The following DNAH3 variants were observed in gnomAD, a reference collection of about 807,000 sequenced individuals.
The protein encoded by DNAH3 is dynein axonemal heavy chain 3.
In DNAH3, 332 loss-of-function variants were observed where a neutral mutation model predicts 432.5. That is an observed-to-expected ratio of 0.77 (90% CI 0.70 to 0.84). DNAH3 has a LOEUF of 0.84. Among genes scored for constraint, DNAH3 ranks in the 40% least tolerant of loss-of-function variants. The pLI is 0.00. For synonymous variants in DNAH3, 1,956 were observed against 1,900.2 expected (o/e 1.03, Z -0.76); for missense variants, 4,861 against 5,114.0 (o/e 0.95, Z 1.51).
chr16:20,952,944 C>T (rs1169294659), intron 55 of DNAH3, among the ~76,000 whole-genome samples: 2 of 152,114 alleles, frequency 1.3e-5, no homozygotes, highest in Non-Finnish European at 2.9e-5. Flanking sequence ...GAATTCCCCT[C>T]CTCGAGCTCA....
intron 19 of DNAH3, among the ~76,000 whole-genome samples, chr16:21,082,337 T>C (rs1173872167): frequency 6.6e-6 from 1 of 152,098 alleles, no homozygotes; most frequent in Non-Finnish European, 1.5e-5. Flanking sequence ...ACCACTGGCA[T>C]ACAACACCAT....
chr16:21,094,992 G>A (rs909725001), intron 18 of DNAH3, among the ~76,000 whole-genome samples: 2 of 152,134 alleles, frequency 1.3e-5, no homozygotes, highest in African/African-American at 2.4e-5. Flanking sequence ...GGAACTGTGA[G>A]TTCATTAAAC....
chr16:21,067,759 G>GGGGGGGGGT (rs2090609009), intron 23 of DNAH3, among the ~76,000 whole-genome samples: 1 of 47,202 alleles, frequency 2.1e-5, no homozygotes, highest in African/African-American at 7.2e-5. Context: ...GCCAGTCTTG[G>GGGGGGGGGT]GGGGGGGGGT....
chr16:21,123,989 C>T (rs2092396782), intron 9 of DNAH3, among the ~76,000 whole-genome samples: 1 of 137,960 alleles, frequency 7.2e-6, no homozygotes, highest in Non-Finnish European at 1.6e-5. Flanking sequence ...GATAGGGTTT[C>T]ACCAGTCGAC....
At position 21,021,933 on chromosome 16, in the gene DNAH3, A is replaced by AC. The variant is rs139095918; in HGVS notation, c.5776+37dup. 1.2e-3 allele frequency: 1,881 copies of AC among 1,608,940 alleles called. 17 individuals are homozygous for AC. The African/African-American group carries it at 0.021, about 18-fold the overall frequency. Reference sequence around the variant, plus strand: ...AAAAAGAAATAGCCAAGGTAGACCCACCCCCCATGTGGCTTAAGAATCATG... The same window carrying AC: ...AAAAAGAAATAGCCAAGGTAGACCCACCCCCCCATGTGGCTTAAGAATCATG... On this transcript the variant is annotated intron_variant, in intron 40 of 61. Transcript: ENST00000261383.
chr16:21,077,693 G>A (rs2091024071), intron 20 of DNAH3, among the ~76,000 whole-genome samples: 2 of 152,176 alleles, frequency 1.3e-5, no homozygotes, highest in Admixed American at 1.3e-4. Context: ...TAAAACCGAG[G>A]TGTGGCAAAG....
chr16:21,137,754 G>C (rs1244757076), intron 5 of DNAH3, among the ~76,000 whole-genome samples: 1 of 152,008 alleles, frequency 6.6e-6, no homozygotes, highest in Admixed American at 6.6e-5. Context: ...AAGGGCTTTT[G>C]AGTTTCAAAA....
chr16:21,146,626 CGTT>C (rs2092787317), intron 1 of DNAH3, among the ~76,000 whole-genome samples: 2 of 152,142 alleles, frequency 1.3e-5, no homozygotes, highest in East Asian at 3.8e-4. Context: ...ACTCTCATAG[CGTT>C]GTTCAAGAAT....
At position 20,937,490 on chromosome 16, in the gene DNAH3, A is replaced by T. The variant is rs577349414; in HGVS notation, c.11655-637T>A. ...AATATTTCTAGGTCAAAGAGCACGC[A>T]CAGTTTTAAGGCTTTCAATTCATAT... On this transcript the variant is annotated intron_variant, in intron 59 of 61. Coordinates refer to ENST00000261383, the Ensembl canonical transcript of DNAH3. Among the ~76,000 whole-genome samples the T allele has an allele frequency of 7.9e-5, 12 of 151,448 alleles. No individual in the cohort carries two copies. The South Asian group carries it at 1.9e-3, about 24-fold the overall frequency.
At chr16:20,957,976 G>C (rs1029681864) in intron 54 of DNAH3, among the ~76,000 whole-genome samples, 1 of 151,642 alleles carries the variant, frequency 6.6e-6, no homozygotes, top group Non-Finnish European at 1.5e-5. Flanking sequence ...ACAAATAGCT[G>C]TTTCCAATGT....
At chr16:21,020,397 ATTTTTTTT>A (rs56049638) in intron 40 of DNAH3, among the ~76,000 whole-genome samples, 1 of 34,594 alleles carries the variant, frequency 2.9e-5, no homozygotes, top group African/African-American at 1.2e-4. Flanking sequence ...ATATATATAT[ATTTTTTTT>A]TTTTTTTTTT....
chr16:21,015,430 G>A (rs1369240760), intron 41 of DNAH3, among the ~76,000 whole-genome samples: 2 of 152,160 alleles, frequency 1.3e-5, no homozygotes, highest in Non-Finnish European at 2.9e-5. Flanking sequence ...TGGAGCACAG[G>A]ATTTTTTTGG....
rs112502190 is a variant in DNAH3 at position 20,989,092 on chromosome 16, G to A, written c.6602-1027C>T. ...CGAAAGAACAAAGCTTCCACAGTGC[G>A]GAAAGAGACCCGAGCGGGTTACCAC... On this transcript the variant is annotated intron_variant, in intron 44 of 61. Transcript: ENST00000261383. Among the ~76,000 whole-genome samples the A allele has an allele frequency of 2.6e-4, 40 of 152,288 alleles. 1 individual carries two copies. In the East Asian group the frequency reaches 5.8e-3, roughly 22 times the overall value.
chr16:21,010,899 T>G (rs1444339783), intron 41 of DNAH3, among the ~76,000 whole-genome samples: 4 of 151,070 alleles, frequency 2.6e-5, no homozygotes, highest in Admixed American at 2.6e-4. Context: ...TTTTTTTTTT[T>G]TTGTTTTTTT....
At chr16:21,079,699 A>G (rs748242621) in intron 20 of DNAH3, among the ~76,000 whole-genome samples, 6 of 152,362 alleles carry the variant, frequency 3.9e-5, no homozygotes, top group East Asian at 3.9e-4. Flanking sequence ...TGAGTGCAGC[A>G]TAAGTGTTCA....
chr16:21,113,460 T>TTATTTTATTG (rs1246939102), intron 12 of DNAH3, among the ~76,000 whole-genome samples: 1 of 151,946 alleles, frequency 6.6e-6, no homozygotes, highest in African/African-American at 2.4e-5. Flanking sequence ...GTCTTTAATT[T>TTATTTTATTG]TATTTTATTT....
intron 7 of DNAH3, among the ~76,000 whole-genome samples, chr16:21,131,354 A>C (rs2092552992): frequency 6.6e-6 from 1 of 151,886 alleles, no homozygotes; most frequent in East Asian, 1.9e-4. Flanking sequence ...GAAAGCAAGA[A>C]AGAAACAGGG....
intron 57 of DNAH3, among the ~76,000 whole-genome samples, chr16:20,945,393 C>T (rs936413459): frequency 6.6e-6 from 1 of 152,198 alleles, no homozygotes; most frequent in Non-Finnish European, 1.5e-5. Context: ...AATAATCCAC[C>T]CCTTGTTTAG....
chr16:21,084,912 G>A (rs2091312542), intron 19 of DNAH3, among the ~76,000 whole-genome samples: 1 of 152,140 alleles, frequency 6.6e-6, no homozygotes, highest in South Asian at 2.1e-4. Context: ...CCATCTCATA[G>A]AGAAACCTGG....
Sources: allele counts gnomAD v4.1 joint callset (sites outside exome capture counted in the v4.1 genomes callset), GRCh38; gene constraint gnomAD v4.1.1; transcripts MANE v1.5; gene names NCBI Gene and HGNC (gene_info 2026-07-23, HGNC 2026-07-21).